UNC5A: variants seen among roughly 807,000 people sequenced by gnomAD.
UNC5A encodes netrin receptor UNC5A.
Under a neutral mutation model 87.4 loss-of-function variants are expected in UNC5A, and 20 were observed. The observed-to-expected ratio is 0.23, with a 90% CI of 0.16 to 0.33. UNC5A has a LOEUF of 0.33. Ranked by LOEUF, UNC5A falls within the 10% of genes least tolerant of loss-of-function variation. The pLI is 1.00. For synonymous variants in UNC5A, 438 were observed against 482.3 expected, an observed-to-expected ratio of 0.91 and a Z score of 1.20; for missense variants, 844 against 1,133.4, an observed-to-expected ratio of 0.74 and a Z score of 3.67.
In UNC5A at chr5:176,817,189, G is replaced by GGCCT. The variant is rs536642884; in HGVS notation, c.70+6370_70+6373dup. ...CTGACTGGTGGGGCCCCCAGAGCCG[G>GGCCT]GCCTCTCCCACACTGGGATATCAGA... On this transcript the variant is annotated intron_variant, in intron 1 of 14. Coordinates refer to ENST00000329542, the MANE Select transcript of UNC5A (RefSeq NM_133369.3). Among the ~76,000 whole-genome samples, 885 of 152,178 alleles carry GGCCT rather than the reference G, an allele frequency of 5.8e-3. 12 individuals are homozygous for GGCCT. Among genetic ancestry groups the GGCCT allele is most frequent in the South Asian group, 0.023 (113 of 4,822 alleles).
rs1463963784 is a variant in UNC5A at position 176,810,714 on chromosome 5, C to A, written c.-37C>A. 2 of 945,764 alleles carry A rather than the reference C, an allele frequency of 2.1e-6. No homozygotes were observed. Among genetic ancestry groups the A allele is most frequent in the East Asian group, 7.6e-5 (1 of 13,106 alleles). 58.6% of individuals were successfully genotyped at this position (945,764 alleles called of 1,614,324 possible). Reference sequence around the variant, plus strand: ...TAAAGCCGCCCTCCCGCCCGCGGGGCCCCGCGCCCGGCCCGCCCGCCTGCC... The same window carrying A: ...TAAAGCCGCCCTCCCGCCCGCGGGGACCCGCGCCCGGCCCGCCCGCCTGCC... On this transcript the variant is annotated 5_prime_UTR_variant, in exon 1 of 15. Coordinates refer to ENST00000329542, the MANE Select transcript of UNC5A (RefSeq NM_133369.3). The surrounding 1 kb of genome is among the most constrained non-coding windows in gnomAD (Gnocchi z 7.3).
intron 1 of UNC5A, among the ~76,000 whole-genome samples, chr5:176,843,514 T>A (rs139606243): frequency 6.2e-4 from 95 of 152,364 alleles, no homozygotes; most frequent in Middle Eastern, 3.4e-3. Context: ...GTCTTGATGC[T>A]GGTGGTGGAT....
intron 2 of UNC5A, chr5:176,864,723 G>A (rs962701282): frequency 7.4e-6 from 3 of 404,732 alleles, no homozygotes; most frequent in Non-Finnish European, 1.5e-5. Context: ...GTCTTCAGGT[G>A]TTCGCTGAGC....
In UNC5A at chr5:176,865,169, A is replaced by G. The variant is rs1464978019; in HGVS notation, c.292+2324A>G. Among the ~76,000 whole-genome samples the G allele has an allele frequency of 6.6e-6, 1 of 152,182 alleles. No individual in the cohort carries two copies. Among genetic ancestry groups the G allele is most frequent in the Non-Finnish European group, 1.5e-5 (1 of 68,020 alleles). On this transcript the variant is annotated intron_variant, in intron 2 of 14. Coordinates refer to ENST00000329542, the MANE Select transcript of UNC5A (RefSeq NM_133369.3). This position sits in a 1 kb window ranked among gnomAD's most constrained non-coding sequence, Gnocchi z 5.3. ...ACCCGGGGCCCAGCGTCCCTTCAGC[A>G]TAAGTTCTCCCACTGCTGTGGCAGG... is the stretch of plus-strand genomic sequence containing the variant.
intron 1 of UNC5A, among the ~76,000 whole-genome samples, chr5:176,836,750 G>A (rs1000735007): frequency 6.6e-6 from 1 of 152,128 alleles, no homozygotes; most frequent in Non-Finnish European, 1.5e-5. Context: ...GCTCAGGAGA[G>A]GTATGTTTAA....
intron 1 of UNC5A, among the ~76,000 whole-genome samples, chr5:176,851,987 A>G (rs994442228): frequency 1.3e-5 from 2 of 152,092 alleles, no homozygotes; most frequent in African/African-American, 4.8e-5. Context: ...CCCGTCTCTG[A>G]ACTCATTTCC....
chr5:176,846,671 A>G (rs1757410942), intron 1 of UNC5A, among the ~76,000 whole-genome samples: 1 of 152,080 alleles, frequency 6.6e-6, no homozygotes, highest in Non-Finnish European at 1.5e-5. Context: ...TCTGCCTCCC[A>G]CAAGTGGGCG....
rs1758318695 is a variant in UNC5A at position 176,878,330 on chromosome 5, G to A, written c.1956G>A (p.Leu652=). The change falls in exon 12 of 15, where the codon CTG becomes CTA. Residue 652 remains leucine (L), a synonymous_variant. Coordinates refer to ENST00000329542, the MANE Select transcript of UNC5A (RefSeq NM_133369.3). ...VLHFKDSYHN[L]RLSIHDVPSS... is the part of the protein sequence containing the mutation. ...ACTTCAAGGACAGTTACCACAACCT[G>A]CGCCTATCCATCCACGATGTGCCCA... is the stretch of plus-strand genomic sequence containing the variant. 3 of 1,613,530 alleles carry A rather than the reference G, an allele frequency of 1.9e-6. No homozygotes were observed. The Admixed American group carries it at 5.0e-5, about 27-fold the overall frequency.
At chr5:176,813,786 C>T (rs535504846) in intron 1 of UNC5A, among the ~76,000 whole-genome samples, 19 of 152,368 alleles carry the variant, frequency 1.2e-4, no homozygotes, top group Admixed American at 2.0e-4. Flanking sequence ...GGCTGGAGCT[C>T]CGAGGCTTCA....
In UNC5A at chr5:176,853,286, A is replaced by G. The variant is rs1003872910; in HGVS notation, c.71-9338A>G. Among the ~76,000 whole-genome samples the G allele has an allele frequency of 4.6e-5, 7 of 152,370 alleles. No homozygotes were observed. The East Asian group carries it at 1.2e-3, about 25-fold the overall frequency. The stretch of plus-strand genomic sequence containing the variant: ...GTTCCTTGTCTGTACAACCAGAGGC[A>G]GGAAGAAGGAGCCTGTGAGCAGTGG... On this transcript the variant is annotated intron_variant, in intron 1 of 14. Coordinates refer to ENST00000329542, the MANE Select transcript of UNC5A (RefSeq NM_133369.3).
chr5:176,865,809 G>C lies in UNC5A; in HGVS notation c.293-2321G>C. Reference sequence around the variant, plus strand: ...GGTGGCCGGATGGACACCCAGGAGAGCACCTACTTCCCTCTCGTTTGCCCT... The same window carrying C: ...GGTGGCCGGATGGACACCCAGGAGACCACCTACTTCCCTCTCGTTTGCCCT... On this transcript the variant is annotated intron_variant, in intron 2 of 14. Coordinates refer to ENST00000329542, the MANE Select transcript of UNC5A (RefSeq NM_133369.3). This position sits in a 1 kb window ranked among gnomAD's most constrained non-coding sequence, Gnocchi z 5.3. The C allele has an allele frequency of 2.6e-6, 1 of 385,616 alleles. No individual in the cohort carries two copies. The highest frequency in any genetic ancestry group is 7.3e-5 in the East Asian group (1 of 13,652). 23.9% of individuals were successfully genotyped at this position (385,616 alleles called of 1,614,324 possible).
intron 6 of UNC5A, among the ~76,000 whole-genome samples, chr5:176,872,181 C>A (rs1207382467): frequency 1.4e-3 from 90 of 63,004 alleles, no homozygotes; most frequent in East Asian, 2.2e-3. Context: ...ACACTCGCCC[C>A]ACACCACAGC....
chr5:176,813,445 C>T (rs974900437), intron 1 of UNC5A, among the ~76,000 whole-genome samples: 13 of 152,314 alleles, frequency 8.5e-5, no homozygotes, highest in African/African-American at 3.1e-4. Context: ...ATGCAGCTGG[C>T]TGAGGGGGTC....
intron 1 of UNC5A, among the ~76,000 whole-genome samples, chr5:176,861,913 G>A (rs1352828365): frequency 6.6e-6 from 1 of 152,236 alleles, no homozygotes; most frequent in Non-Finnish European, 1.5e-5. Context: ...TGCTGGTTGG[G>A]CAGGGATCAG....
At chr5:176,846,084 G>A (rs1206165069) in intron 1 of UNC5A, among the ~76,000 whole-genome samples, 1 of 152,192 alleles carries the variant, frequency 6.6e-6, no homozygotes, top group Non-Finnish European at 1.5e-5. Flanking sequence ...TGGTCATCTG[G>A]GGTAGCCACA....
In UNC5A at chr5:176,824,140, G is replaced by A. The variant is rs1184383148; in HGVS notation, c.70+13320G>A. Among the ~76,000 whole-genome samples the A allele has an allele frequency of 1.3e-5, 2 of 152,250 alleles. No individual in the cohort carries two copies. Among genetic ancestry groups the A allele is most frequent in the Admixed American group, 6.5e-5 (1 of 15,292 alleles). On this transcript the variant is annotated intron_variant, in intron 1 of 14. Coordinates refer to ENST00000329542, the MANE Select transcript of UNC5A (RefSeq NM_133369.3). The surrounding 1 kb of genome is among the most constrained non-coding windows in gnomAD (Gnocchi z 4.2). ...TTCTCCCGCCTGGAGGCGGAGGTGCGGCCCCGATGCCTCCCGGGTTGGAGG... is the reference window on the plus strand; with the variant it reads ...TTCTCCCGCCTGGAGGCGGAGGTGCAGCCCCGATGCCTCCCGGGTTGGAGG...
rs1758076717 is a variant in UNC5A at position 176,870,246 on chromosome 5, G to A, written c.722-124G>A. 2.4e-6 allele frequency: 3 copies of A among 1,263,796 alleles called. 1 individual carries two copies. The African/African-American group carries it at 4.5e-5, about 19-fold the overall frequency. 78.3% of individuals were successfully genotyped at this position (1,263,796 alleles called of 1,614,324 possible). ...GCATCGTGGGCCTGGCCCTGGCTTT[G>A]CACCCAAATCCAGGCTGCCTTGCAC... is the stretch of plus-strand genomic sequence containing the variant. On this transcript the variant is annotated intron_variant, in intron 5 of 14. Transcript: ENST00000329542.
At position 176,856,207 on chromosome 5, in the gene UNC5A, T is replaced by G. The variant is rs1581264416; in HGVS notation, c.71-6417T>G. The stretch of plus-strand genomic sequence containing the variant: ...AAAAATAAAACATTTGAAAGCACTT[T>G]CACACCCACCTTGGGCCTCAGAGTT... On this transcript the variant is annotated intron_variant, in intron 1 of 14. Coordinates refer to ENST00000329542, the MANE Select transcript of UNC5A (RefSeq NM_133369.3). Among the ~76,000 whole-genome samples the G allele has an allele frequency of 2.0e-5, 3 of 152,212 alleles. No homozygotes were observed. The South Asian group carries it at 6.2e-4, about 32-fold the overall frequency.
intron 1 of UNC5A, among the ~76,000 whole-genome samples, chr5:176,829,201 GAT>G (rs1346455827): frequency 2.6e-4 from 7 of 26,866 alleles, no homozygotes; most frequent in African/African-American, 2.9e-4. Context: ...TGGATGGATG[GAT>G]GGTTGGATGG....
Sources: gnomAD v4.1 joint callset for allele counts (sites outside exome capture counted in the v4.1 genomes callset) on GRCh38, gnomAD v4.1.1 for gene constraint, Gnocchi (gnomAD v3.1) non-coding constraint, MANE v1.5 for transcripts, NCBI Gene and HGNC (gene_info 2026-07-23, HGNC 2026-07-21) for gene names.